Variants in GRIA4 observed in about 807,000 individuals in gnomAD.
GRIA4 encodes glutamate receptor 4.
Under a neutral mutation model 104.0 loss-of-function variants are expected in GRIA4, and 34 were observed. The observed-to-expected ratio is 0.33, with a 90% CI of 0.25 to 0.44. The LOEUF (loss-of-function observed/expected upper bound fraction) is 0.44, where lower values mean the gene tolerates loss of function less well. Among genes scored for constraint, GRIA4 ranks in the 20% least tolerant of loss-of-function variants. GRIA4 has a pLI of 1.00. For synonymous variants in GRIA4, 386 were observed against 381.9 expected (o/e 1.01, Z -0.13); for missense variants, 750 against 1,096.5 (o/e 0.68, Z 4.46).
chr11:105,718,408 A>G (rs1191818337), intron 3 of GRIA4, among the ~76,000 whole-genome samples: 3 of 152,202 alleles, frequency 2.0e-5, no homozygotes, highest in African/African-American at 7.2e-5. Context: ...ATCGTACCAT[A>G]AGCACAATCT....
At chr11:105,693,761 T>C (rs1953170977) in intron 3 of GRIA4, among the ~76,000 whole-genome samples, 1 of 152,124 alleles carries the variant, frequency 6.6e-6, no homozygotes, top group African/African-American at 2.4e-5. Context: ...TCTTGAGAAA[T>C]ATCTACAGCA....
chr11:105,888,608 CT>C (rs568742252), intron 6 of GRIA4, among the ~76,000 whole-genome samples: 3 of 151,608 alleles, frequency 2.0e-5, no homozygotes, highest in Non-Finnish European at 4.4e-5. Flanking sequence ...TTTTATGACA[CT>C]TTTTTTTAAT....
At chr11:105,688,574 A>T (rs1276472552) in intron 3 of GRIA4, among the ~76,000 whole-genome samples, 3 of 152,094 alleles carry the variant, frequency 2.0e-5, no homozygotes, top group Non-Finnish European at 4.4e-5. Flanking sequence ...AAAAATAAAT[A>T]AATAAATAAA....
intron 14 of GRIA4, among the ~76,000 whole-genome samples, chr11:105,941,490 T>G (rs1948179091): frequency 6.6e-6 from 1 of 152,130 alleles, no homozygotes. Flanking sequence ...TCATTTTAAA[T>G]ACCATCAACC....
intron 4 of GRIA4, among the ~76,000 whole-genome samples, chr11:105,826,543 G>A (rs188348417): frequency 6.6e-6 from 1 of 152,194 alleles, no homozygotes; most frequent in East Asian, 1.9e-4. Context: ...TGTCATGATA[G>A]ATTGCAGGAG....
intron 3 of GRIA4, among the ~76,000 whole-genome samples, chr11:105,711,625 A>G (rs1953915181): frequency 6.6e-6 from 1 of 152,108 alleles, no homozygotes. Context: ...CACATTGAAC[A>G]CTATCTCTTT....
intron 3 of GRIA4, among the ~76,000 whole-genome samples, chr11:105,728,685 A>G (rs972046292): frequency 6.6e-6 from 1 of 152,226 alleles, no homozygotes; most frequent in Non-Finnish European, 1.5e-5. Flanking sequence ...ATTAGAACTC[A>G]GGATTAAGAA....
At chr11:105,830,834 TA>T (rs1943948407) in intron 4 of GRIA4, among the ~76,000 whole-genome samples, 1 of 152,026 alleles carries the variant, frequency 6.6e-6, no homozygotes, top group South Asian at 2.1e-4. Context: ...CTCACTGCCT[TA>T]ACAGGTAGTT....
rs144279418 is a variant in GRIA4 at position 105,739,689 on chromosome 11, C to T, written c.248-13292C>T. 4.9e-3 allele frequency among the ~76,000 whole-genome samples: 746 copies of T among 152,166 alleles called. 16 individuals are homozygous for T. Among genetic ancestry groups the T allele is most frequent in the African/African-American group, 0.017 (695 of 41,514 alleles). ...CATGCCTATCCACCATCTGATTGAGCCTTTTCAAATCTGAACATGAGGAGC... is the reference window on the plus strand; with the variant it reads ...CATGCCTATCCACCATCTGATTGAGTCTTTTCAAATCTGAACATGAGGAGC... On this transcript the variant is annotated intron_variant, in intron 3 of 16. Coordinates refer to ENST00000282499, the MANE Select transcript of GRIA4 (RefSeq NM_000829.4).
chr11:105,730,497 T>A (rs1938517750), intron 3 of GRIA4, among the ~76,000 whole-genome samples: 1 of 152,174 alleles, frequency 6.6e-6, no homozygotes, highest in South Asian at 2.1e-4. Context: ...AAGTTACCCT[T>A]GACTTTCCTC....
chr11:105,915,436 A>G (rs1947371761), intron 10 of GRIA4, among the ~76,000 whole-genome samples: 1 of 152,250 alleles, frequency 6.6e-6, no homozygotes, highest in Non-Finnish European at 1.5e-5. Flanking sequence ...TTAGATAAAT[A>G]TTTTCTCAAA....
intron 3 of GRIA4, among the ~76,000 whole-genome samples, chr11:105,691,086 C>T (rs372261629): frequency 2.0e-5 from 3 of 151,908 alleles, no homozygotes; most frequent in Admixed American, 1.3e-4. Context: ...GGCTTGTGTG[C>T]GTGCAAACAT....
chr11:105,768,650 G>T (rs934838467), intron 4 of GRIA4, among the ~76,000 whole-genome samples: 4 of 152,114 alleles, frequency 2.6e-5, no homozygotes, highest in African/African-American at 7.2e-5. Flanking sequence ...TTGGGGAAAG[G>T]GGGTGTTTGT....
chr11:105,750,684 T>G (rs979094674), intron 3 of GRIA4, among the ~76,000 whole-genome samples: 1 of 151,874 alleles, frequency 6.6e-6, no homozygotes, highest in Non-Finnish European at 1.5e-5. Context: ...GAATAAAGAG[T>G]AGATGGACTT....
intron 3 of GRIA4, among the ~76,000 whole-genome samples, chr11:105,642,524 T>C (rs1301317857): frequency 2.5e-5 from 3 of 118,682 alleles, no homozygotes; most frequent in Non-Finnish European, 4.9e-5. Context: ...TAATCAACAT[T>C]CTCAATTTTA....
At chr11:105,942,283 A>G (rs544334586) in intron 14 of GRIA4, among the ~76,000 whole-genome samples, 1 of 152,102 alleles carries the variant, frequency 6.6e-6, no homozygotes, top group African/African-American at 2.4e-5. Context: ...TAAGTGATAC[A>G]GTAATAATAT....
chr11:105,796,810 T>G (rs1942496315), intron 4 of GRIA4, among the ~76,000 whole-genome samples: 1 of 152,138 alleles, frequency 6.6e-6, no homozygotes, highest in South Asian at 2.1e-4. Flanking sequence ...TCAGAGAAGG[T>G]TTTATCATTA....
chr11:105,753,366 TG>T, intron 4 of GRIA4, 146 bp downstream of exon 4: 1 of 736,660 alleles, frequency 1.4e-6, no homozygotes, highest in Non-Finnish European at 2.2e-6. Flanking sequence ...ATCTTGACTC[TG>T]GGGAAAAATT....
At chr11:105,978,384 G>A (rs528472732) in intron 16 of GRIA4, among the ~76,000 whole-genome samples, 1 of 151,994 alleles carries the variant, frequency 6.6e-6, no homozygotes, top group South Asian at 2.1e-4. Context: ...ATGATGATAA[G>A]TATTAATTTT....
Sources: allele counts gnomAD v4.1 joint callset (sites outside exome capture counted in the v4.1 genomes callset), GRCh38; gene constraint gnomAD v4.1.1; transcripts MANE v1.5; gene names NCBI Gene and HGNC (gene_info 2026-07-23, HGNC 2026-07-21).